The following NUDT4 variants were observed in gnomAD, a reference collection of about 807,000 sequenced individuals.
The protein encoded by NUDT4 is diphosphoinositol polyphosphate phosphohydrolase 2.
A neutral mutation model predicts 23.1 loss-of-function variants in NUDT4; 5 were observed. The ratio of observed to expected loss-of-function variants is 0.22; its 90% CI spans 0.11 to 0.46. NUDT4 has a LOEUF of 0.46. NUDT4 is among the 20% of genes least tolerant of loss of function. NUDT4 has a pLI of 0.99. For synonymous variants in NUDT4, 50 were observed against 79.0 expected, an observed-to-expected ratio of 0.63 and a Z score of 1.95; for missense variants, 96 against 211.6, an observed-to-expected ratio of 0.45 and a Z score of 3.39.
chr12:93,392,338 C>G (rs1381716759), intron 1 of NUDT4, among the ~76,000 whole-genome samples: 1 of 148,708 alleles, frequency 6.7e-6, no homozygotes, highest in East Asian at 2.0e-4. Context: ...TCACTGCAAC[C>G]TCCGCCTCCC....
chr12:93,378,474 C>G, intron 1 of NUDT4, 53 bp downstream of exon 1: 2 of 1,464,472 alleles, frequency 1.4e-6, no homozygotes, highest in South Asian at 1.3e-5. Flanking sequence ...GTCTAGGGCC[C>G]GGGTGCTTCC....
chr12:93,393,936 T>C (rs1044046973), intron 1 of NUDT4, among the ~76,000 whole-genome samples: 4 of 152,248 alleles, frequency 2.6e-5, no homozygotes, highest in African/African-American at 9.6e-5. Context: ...AAATTTGGAA[T>C]ATTCCATAAC....
intron 3 of NUDT4, among the ~76,000 whole-genome samples, chr12:93,397,159 A>AT (rs1876994768): frequency 6.6e-6 from 1 of 152,190 alleles, no homozygotes; most frequent in South Asian, 2.1e-4. Flanking sequence ...ATAAGGGAAA[A>AT]TTGGATTGCC....
chr12:93,406,275 CAAAAAAAAAAA>C lies in NUDT4; in HGVS notation c.*6916_*6926del, dbSNP rs58309798. Reference sequence around the variant, plus strand: ...AGAGCTAGAAAGTGGCTAGAGCAGCCAAAAAAAAAAAAAAAAAAAAAAAAAAAAAAGGTTCC... The same window carrying C: ...AGAGCTAGAAAGTGGCTAGAGCAGCCAAAAAAAAAAAAAAAAAAAGGTTCC... On this transcript the variant is annotated 3_prime_UTR_variant, in exon 5 of 5. Transcript: ENST00000415493. 103 of 38,012 alleles carry C rather than the reference CAAAAAAAAAAA, an allele frequency of 2.7e-3. 1 individual carries two copies. The highest frequency in any genetic ancestry group is 4.0e-3 in the Non-Finnish European group (81 of 20,280). The allele number at this position is 38,012 out of a possible 1,614,324, so 2.4% of individuals were successfully genotyped here. A position where few individuals can be genotyped will look rare whatever the true frequency, so the allele number is the denominator to read the frequency against.
chr12:93,405,333 A>G lies in NUDT4; in HGVS notation c.*5954A>G, dbSNP rs1440306455. The G allele has an allele frequency of 2.6e-5, 4 of 152,176 alleles. No homozygotes were observed. The highest frequency in any genetic ancestry group is 5.9e-5 in the Non-Finnish European group (4 of 68,040). The allele number at this position is 152,176 out of a possible 1,614,324, so 9.4% of individuals were successfully genotyped here. A position where few individuals can be genotyped will look rare whatever the true frequency, so the allele number is the denominator to read the frequency against. ...TAAGATGGATCAGGAGTCTTTAAAAATAAAACTGAGAAAGAAAAATCATGT... is the reference window on the plus strand; with the variant it reads ...TAAGATGGATCAGGAGTCTTTAAAAGTAAAACTGAGAAAGAAAAATCATGT... On this transcript the variant is annotated 3_prime_UTR_variant, in exon 5 of 5. Coordinates refer to ENST00000415493, the MANE Select transcript of NUDT4 (RefSeq NM_019094.6).
rs752007703 is a variant in NUDT4 at position 93,395,478 on chromosome 12, T to C, written c.211-11T>C. The C allele has an allele frequency of 3.8e-6, 6 of 1,592,474 alleles. No individual in the cohort carries two copies. Among genetic ancestry groups the C allele is most frequent in the Admixed American group, 1.7e-5 (1 of 59,884 alleles). On this transcript the variant is annotated splice_polypyrimidine_tract_variant and intron_variant, in intron 2 of 4. Coordinates refer to ENST00000415493, the MANE Select transcript of NUDT4 (RefSeq NM_019094.6). ...AAGGTAAACATTTTATATTTCATCT[T>C]TTTTTAATAGGCTGGAGTCAAAGGA...
rs12809913 is a variant in NUDT4 at position 93,392,247 on chromosome 12, C to G, written c.100-2362C>G. ...GCCCACAAATATTCCTTTGTTTCCC[C>G]CCCCCCCTTTTTTTTTTCCTTTTTT... On this transcript the variant is annotated intron_variant, in intron 1 of 4. Transcript: ENST00000415493. Among the ~76,000 whole-genome samples the G allele has an allele frequency of 2.5e-4, 34 of 136,210 alleles. 1 individual carries two copies. The highest frequency in any genetic ancestry group is 9.0e-4 in the African/African-American group (34 of 37,574). The allele number at this position is 136,210 out of a possible 152,430, so 89.4% of individuals were successfully genotyped here. A position where few individuals can be genotyped will look rare whatever the true frequency, so the allele number is the denominator to read the frequency against.
intron 1 of NUDT4, among the ~76,000 whole-genome samples, chr12:93,385,954 TATATATATATATATATAC>T (rs1876049104): frequency 7.3e-6 from 1 of 137,396 alleles, no homozygotes; most frequent in Non-Finnish European, 1.6e-5. Flanking sequence ...TATATATATA[TATATATATATATATATAC>T]ATAATTTTTT....
At position 93,386,502 on chromosome 12, in the gene NUDT4, C is replaced by T. The variant is rs543424203; in HGVS notation, c.99+8081C>T. Among the ~76,000 whole-genome samples the T allele has an allele frequency of 7.9e-5, 12 of 152,068 alleles. No individual in the cohort carries two copies. In the East Asian group the frequency reaches 2.3e-3, roughly 29 times the overall value. On this transcript the variant is annotated intron_variant, in intron 1 of 4. Transcript: ENST00000415493. ...GGCTTACGCACGAGAATTGCTTGAA[C>T]CCAGGAGGCAAAGGTTGCAGTGAGC...
intron 1 of NUDT4, among the ~76,000 whole-genome samples, chr12:93,382,740 G>C (rs1023240904): frequency 4.1e-5 from 6 of 147,236 alleles, no homozygotes; most frequent in Non-Finnish European, 4.4e-5. Flanking sequence ...GCAGTGGCGC[G>C]ATGTCAGCTT....
In NUDT4 at chr12:93,402,525, TTGA is replaced by T. The variant is rs1877533133; in HGVS notation, c.*3151_*3153del. ...CAGTAACACCTTTACTGTTCTCCCA[TTGA>T]TGATCATATACGTTACCTCTTCCTA... On this transcript the variant is annotated 3_prime_UTR_variant, in exon 5 of 5. Transcript: ENST00000415493. 3.3e-5 allele frequency: 5 copies of T among 152,314 alleles called. No individual in the cohort carries two copies. The South Asian group carries it at 1.0e-3, about 32-fold the overall frequency. 9.4% of individuals were successfully genotyped at this position (152,314 alleles called of 1,614,324 possible).
rs1273361476 is a variant in NUDT4, at chr12:93,402,639, G to A, written c.*3260G>A. 1 of 152,052 alleles carries A rather than the reference G, an allele frequency of 6.6e-6. No homozygotes were observed. The highest frequency in any genetic ancestry group is 2.4e-5 in the African/African-American group (1 of 41,388). 9.4% of individuals were successfully genotyped at this position (152,052 alleles called of 1,614,324 possible). A position where few individuals can be genotyped will look rare whatever the true frequency, so the allele number is the denominator to read the frequency against. ...CTAAGATGTCAGTATTCTCCTCATGGATATTTTCAGTCTCAATGTTGCCAG... is the reference window on the plus strand; with the variant it reads ...CTAAGATGTCAGTATTCTCCTCATGAATATTTTCAGTCTCAATGTTGCCAG... On this transcript the variant is annotated 3_prime_UTR_variant, in exon 5 of 5. Coordinates refer to ENST00000415493, the MANE Select transcript of NUDT4 (RefSeq NM_019094.6).
In NUDT4 at chr12:93,404,111, CTT is replaced by C. The variant is rs1434686301; in HGVS notation, c.*4735_*4736del. The C allele has an allele frequency of 6.6e-6, 1 of 152,244 alleles. No homozygotes were observed. The highest frequency in any genetic ancestry group is 2.4e-5 in the African/African-American group (1 of 41,456). The allele number at this position is 152,244 out of a possible 1,614,324, so 9.4% of individuals were successfully genotyped here. A position where few individuals can be genotyped will look rare whatever the true frequency, so the allele number is the denominator to read the frequency against. On this transcript the variant is annotated 3_prime_UTR_variant, in exon 5 of 5. Coordinates refer to ENST00000415493, the MANE Select transcript of NUDT4 (RefSeq NM_019094.6). ...AAGTAAATTTTCCTGCTTTTCTCAA[CTT>C]TTCCTCAAATTCATGTTAGTGAAGT... is the stretch of plus-strand genomic sequence containing the variant.
At chr12:93,380,059 A>C (rs1295670149) in intron 1 of NUDT4, among the ~76,000 whole-genome samples, 1 of 152,236 alleles carries the variant, frequency 6.6e-6, no homozygotes, top group Non-Finnish European at 1.5e-5. Flanking sequence ...GTTGCAGAGC[A>C]TAAGTACCTT....
At chr12:93,387,220 C>T (rs1026205406) in intron 1 of NUDT4, among the ~76,000 whole-genome samples, 11 of 152,360 alleles carry the variant, frequency 7.2e-5, no homozygotes, top group African/African-American at 2.6e-4. Context: ...GTATGAGCCA[C>T]TGCACCCGGC....
rs774494362 is a variant in NUDT4, at chr12:93,399,349, G to C, written c.513G>C (p.Gln171His). The C allele has an allele frequency of 1.1e-6, 1 of 910,552 alleles. No individual in the cohort carries two copies. The highest frequency in any genetic ancestry group is 1.7e-6 in the Non-Finnish European group (1 of 572,928). The allele number at this position is 910,552 out of a possible 1,614,324, so 56.4% of individuals were successfully genotyped here. The change falls in exon 5 of 5, where the codon CAG becomes CAC. Residue 171 changes from glutamine (Q) to histidine (H), a missense_variant. Gln to His is a conservative substitution (Grantham distance 24). Coordinates refer to ENST00000415493, the MANE Select transcript of NUDT4 (RefSeq NM_019094.6). ...ATGCCTTGTTTGTAACCGCTGCACA[G>C]ACCTCTGGGTTGCCATCTAGTGTAA... is the stretch of plus-strand genomic sequence containing the variant. ...DNNALFVTAA[Q>H]TSGLPSSVR
At position 93,381,967 on chromosome 12, in the gene NUDT4, A is replaced by G. The variant is rs564519422; in HGVS notation, c.99+3546A>G. ...ATTAACAAATCAGTCTGAAGGACTA[A>G]CCACTACAGGCCAGGCAGGTGGCTC... On this transcript the variant is annotated intron_variant, in intron 1 of 4. Transcript: ENST00000415493. 8.6e-4 allele frequency among the ~76,000 whole-genome samples: 131 copies of G among 152,284 alleles called. 1 individual carries two copies. Among genetic ancestry groups the G allele is most frequent in the Non-Finnish European group, 1.7e-3 (114 of 68,006 alleles).
intron 1 of NUDT4, among the ~76,000 whole-genome samples, chr12:93,389,887 G>A (rs1876364211): frequency 2.0e-5 from 3 of 150,324 alleles, no homozygotes; most frequent in Admixed American, 6.7e-5. Flanking sequence ...ATGACAGAGC[G>A]AGACTCTGTC....
chr12:93,383,377 T>C (rs557193309), intron 1 of NUDT4, among the ~76,000 whole-genome samples: 1 of 152,324 alleles, frequency 6.6e-6, no homozygotes, highest in Admixed American at 6.5e-5. Flanking sequence ...CTATGTTCTT[T>C]TAAAATGTCT....
Sources: gnomAD v4.1 joint callset for allele counts (sites outside exome capture counted in the v4.1 genomes callset) on GRCh38, gnomAD v4.1.1 for gene constraint, MANE v1.5 for transcripts, NCBI Gene and HGNC (gene_info 2026-07-23, HGNC 2026-07-21) for gene names.